Variants in BRINP3 observed in about 807,000 individuals in gnomAD.
BRINP3 encodes BMP/retinoic acid-inducible neural-specific protein 3.
Under a neutral mutation model 71.0 loss-of-function variants are expected in BRINP3, and 19 were observed. The ratio of observed to expected loss-of-function variants is 0.27; its 90% CI spans 0.19 to 0.39. BRINP3 has a LOEUF of 0.39. Among genes scored for constraint, BRINP3 ranks in the 10% least tolerant of loss-of-function variants. The pLI is 1.00. For missense variants in BRINP3, 959 were observed against 940.8 expected (o/e 1.02, Z -0.25); for synonymous variants, 380 against 337.7 (o/e 1.13, Z -1.37).
intron 6 of BRINP3, among the ~76,000 whole-genome samples, chr1:190,190,431 A>T (rs1653931429): frequency 1.3e-5 from 2 of 152,004 alleles, no homozygotes; most frequent in Non-Finnish European, 2.9e-5. Flanking sequence ...AGGTACTATG[A>T]TCTCTCATTT....
intron 4 of BRINP3, among the ~76,000 whole-genome samples, chr1:190,253,622 G>A (rs1303977300): frequency 1.3e-5 from 2 of 152,150 alleles, no homozygotes; most frequent in East Asian, 1.9e-4. Context: ...TGATGGGGTT[G>A]TTTGCTTTTT....
At chr1:190,430,061 C>A (rs774732706) in intron 2 of BRINP3, among the ~76,000 whole-genome samples, 1 of 152,090 alleles carries the variant, frequency 6.6e-6, no homozygotes, top group African/African-American at 2.4e-5. Context: ...GGTTAGGACA[C>A]GTCTAAGAAA....
chr1:190,115,207 A>G (rs535454709), intron 7 of BRINP3, among the ~76,000 whole-genome samples: 26 of 152,208 alleles, frequency 1.7e-4, no homozygotes, highest in Non-Finnish European at 3.7e-4. Flanking sequence ...AGGCATAGTT[A>G]GTAGGTACAA....
intron 7 of BRINP3, among the ~76,000 whole-genome samples, chr1:190,132,017 A>G (rs1654585025): frequency 6.6e-6 from 1 of 152,028 alleles, no homozygotes; most frequent in Admixed American, 6.6e-5. Context: ...AAAGGACTTG[A>G]CTGAAATGAA....
At chr1:190,468,296 A>T (rs1162865059) in intron 1 of BRINP3, among the ~76,000 whole-genome samples, 1 of 151,284 alleles carries the variant, frequency 6.6e-6, no homozygotes, top group Non-Finnish European at 1.5e-5. Flanking sequence ...AGTTAATCAA[A>T]CACTTATTAT....
At chr1:190,436,263 T>C (rs1432098282) in intron 2 of BRINP3, among the ~76,000 whole-genome samples, 1 of 151,982 alleles carries the variant, frequency 6.6e-6, no homozygotes, top group Non-Finnish European at 1.5e-5. Context: ...TAAAGGACGA[T>C]TGAATCAGAA....
chr1:190,173,128 A>G (rs530892628), intron 6 of BRINP3, among the ~76,000 whole-genome samples: 1 of 152,266 alleles, frequency 6.6e-6, no homozygotes, highest in East Asian at 1.9e-4. Context: ...TTAAAAACAG[A>G]TGAACAAATC....
intron 3 of BRINP3, among the ~76,000 whole-genome samples, chr1:190,277,104 TATATATATA>T (rs1662636007): frequency 8.5e-6 from 1 of 117,660 alleles, no homozygotes; most frequent in African/African-American, 2.9e-5. Flanking sequence ...TATATATATA[TATATATATA>T]TATATTTATA....
chr1:190,115,883 A>T (rs1031565683), intron 7 of BRINP3, among the ~76,000 whole-genome samples: 3 of 152,178 alleles, frequency 2.0e-5, no homozygotes, highest in Non-Finnish European at 4.4e-5. Context: ...TTACATTCAT[A>T]GGAAAATGAA....
intron 4 of BRINP3, among the ~76,000 whole-genome samples, chr1:190,236,793 G>T (rs1658563158): frequency 6.6e-6 from 1 of 151,884 alleles, no homozygotes; most frequent in Non-Finnish European, 1.5e-5. Context: ...GCATCAAAGA[G>T]AATACTTAGG....
At chr1:190,102,152 G>A (rs1321657013) in intron 7 of BRINP3, among the ~76,000 whole-genome samples, 1 of 152,094 alleles carries the variant, frequency 6.6e-6, no homozygotes, top group Admixed American at 6.6e-5. Context: ...TTTCAAGAAA[G>A]AAGAAATTTA....
At chr1:190,461,040 A>T (rs1280527059) in intron 1 of BRINP3, among the ~76,000 whole-genome samples, 1 of 152,190 alleles carries the variant, frequency 6.6e-6, no homozygotes, top group Admixed American at 6.5e-5. Flanking sequence ...TCTTTTTACT[A>T]CAGTCAGAGT....
At chr1:190,236,404 A>G (rs1377326790) in intron 4 of BRINP3, among the ~76,000 whole-genome samples, 1 of 152,000 alleles carries the variant, frequency 6.6e-6, no homozygotes, top group African/African-American at 2.4e-5. Context: ...AGGACTACTA[A>G]TTTGGAAGTC....
At chr1:190,329,665 G>A (rs1172622626) in intron 2 of BRINP3, among the ~76,000 whole-genome samples, 1 of 151,808 alleles carries the variant, frequency 6.6e-6, no homozygotes, top group East Asian at 1.9e-4. Context: ...AGTCATATGA[G>A]ATTAAAAAAT....
At chr1:190,313,016 T>A (rs2103029867) in intron 2 of BRINP3, among the ~76,000 whole-genome samples, 1 of 151,956 alleles carries the variant, frequency 6.6e-6, no homozygotes, top group South Asian at 2.1e-4. Context: ...CAAACTACAC[T>A]GCACAATAAG....
intron 3 of BRINP3, among the ~76,000 whole-genome samples, chr1:190,276,441 T>C: frequency 6.6e-6 from 1 of 151,670 alleles, no homozygotes; most frequent in Non-Finnish European, 1.5e-5. Flanking sequence ...TGAAATTAAA[T>C]GAGCATATTC....
At chr1:190,446,540 A>G (rs1675231059) in intron 2 of BRINP3, among the ~76,000 whole-genome samples, 1 of 152,132 alleles carries the variant, frequency 6.6e-6, no homozygotes, top group South Asian at 2.1e-4. Flanking sequence ...GATATTATTT[A>G]TGAAGAAGTA....
At chr1:190,233,275 C>T (rs938650812) in intron 5 of BRINP3, among the ~76,000 whole-genome samples, 2 of 152,052 alleles carry the variant, frequency 1.3e-5, no homozygotes, top group Non-Finnish European at 2.9e-5. Context: ...TCACTGCAAC[C>T]TTGAACTCTT....
chr1:190,304,382 A>G (rs532732863), intron 2 of BRINP3, among the ~76,000 whole-genome samples: 1 of 151,974 alleles, frequency 6.6e-6, no homozygotes, highest in Admixed American at 6.6e-5. Context: ...ACTTCAAAGC[A>G]TACTACGAAG....
Sources: allele counts gnomAD v4.1 joint callset (sites outside exome capture counted in the v4.1 genomes callset), GRCh38; gene constraint gnomAD v4.1.1; transcripts MANE v1.5; gene names NCBI Gene and HGNC (gene_info 2026-07-23, HGNC 2026-07-21).